Variants in RFX6 observed in about 807,000 individuals in gnomAD.
The protein encoded by RFX6 is DNA-binding protein RFX6.
In RFX6, 50 loss-of-function variants were observed where a neutral mutation model predicts 110.8. The ratio of observed to expected loss-of-function variants is 0.45; its 90% CI spans 0.36 to 0.57. The LOEUF (loss-of-function observed/expected upper bound fraction) is 0.57, where lower values mean the gene tolerates loss of function less well. Among genes scored for constraint, RFX6 ranks in the 20% least tolerant of loss-of-function variants. The pLI, the probability that RFX6 is intolerant of heterozygous loss-of-function variation, is 0.00. For synonymous variants in RFX6, 383 were observed against 411.2 expected, an observed-to-expected ratio of 0.93 and a Z score of 0.83; for missense variants, 990 against 1,127.0, an observed-to-expected ratio of 0.88 and a Z score of 1.74.
At chr6:116,917,101 T>A (rs1775484055) in intron 9 of RFX6, among the ~76,000 whole-genome samples, 1 of 152,138 alleles carries the variant, frequency 6.6e-6, no homozygotes, top group Admixed American at 6.6e-5. Flanking sequence ...CACTATCAGA[T>A]TCTCAGCTTT....
chr6:116,926,486 T>C (rs1373712889), intron 16 of RFX6, among the ~76,000 whole-genome samples: 1 of 152,212 alleles, frequency 6.6e-6, no homozygotes, highest in Admixed American at 6.5e-5. Context: ...TTACTTCATT[T>C]GATATACAGA....
At position 116,906,885 on chromosome 6, in the gene RFX6, C is replaced by G. The variant is rs1373972458; in HGVS notation, c.673-4050C>G. Among the ~76,000 whole-genome samples, 6 of 147,620 alleles carry G rather than the reference C, an allele frequency of 4.1e-5. No individual in the cohort carries two copies. The East Asian group carries it at 1.2e-3, about 29-fold the overall frequency. ...GTTTTTTTTTTTTTGCCTAACTACT[C>G]TAGCTAAGACTTCTAGTACCATGTT... On this transcript the variant is annotated intron_variant, in intron 6 of 18. Transcript: ENST00000332958.
rs1775564316 is a variant in RFX6, at chr6:116,920,283, A to G, written c.1183-27A>G. ...AGATACATTAGAAATGATATAGTGTAGTGTCTTCTTTACTTTCTCTATGCA... is the reference window on the plus strand; with the variant it reads ...AGATACATTAGAAATGATATAGTGTGGTGTCTTCTTTACTTTCTCTATGCA... On this transcript the variant is annotated intron_variant, in intron 11 of 18. Coordinates refer to ENST00000332958, the MANE Select transcript of RFX6 (RefSeq NM_173560.4). The G allele has an allele frequency of 1.9e-6, 3 of 1,577,602 alleles. No homozygotes were observed. In the African/African-American group the frequency reaches 4.0e-5, roughly 21 times the overall value.
intron 4 of RFX6, chr6:116,884,909 G>A (rs1053309510): frequency 1.1e-4 from 16 of 152,096 alleles, no homozygotes; most frequent in Admixed American, 5.2e-4. Flanking sequence ...TATTTGTGAC[G>A]TGACTTTTTT....
At chr6:116,880,220 T>G (rs534565030) in intron 2 of RFX6, among the ~76,000 whole-genome samples, 1 of 152,128 alleles carries the variant, frequency 6.6e-6, no homozygotes, top group East Asian at 1.9e-4. Flanking sequence ...ATTTCACCAT[T>G]CATATTTATA....
chr6:116,895,014 T>C (rs1774912628), intron 5 of RFX6, among the ~76,000 whole-genome samples, 166 bp from the exon 6 acceptor site: 1 of 152,138 alleles, frequency 6.6e-6, no homozygotes, highest in Non-Finnish European at 1.5e-5. Context: ...TATTTTGTTT[T>C]AGTAAGTTGA....
chr6:116,882,484 G>T lies in RFX6; in HGVS notation c.566+56G>T, dbSNP rs566477122. On this transcript the variant is annotated intron_variant, in intron 4 of 18. Transcript: ENST00000332958. ...GCTCTTGTGCATGAAGATTGACACA[G>T]ATGTAAAATAAGTATTGTCTTTGTC... The T allele has an allele frequency of 1.9e-5, 23 of 1,235,378 alleles. No individual in the cohort carries two copies. The African/African-American group carries it at 3.1e-4, about 17-fold the overall frequency. The allele number at this position is 1,235,378 out of a possible 1,614,324, so 76.5% of individuals were successfully genotyped here.
chr6:116,895,478 A>C (rs527937343), intron 6 of RFX6, among the ~76,000 whole-genome samples: 1 of 152,292 alleles, frequency 6.6e-6, no homozygotes, highest in Admixed American at 6.5e-5. Context: ...TGTAAAAAAA[A>C]CACTATCATT....
chr6:116,880,397 A>G, intron 2 of RFX6, 147 bp from the exon 3 acceptor site: 3 of 714,168 alleles, frequency 4.2e-6, no homozygotes. Flanking sequence ...TTGATTTTTA[A>G]AAAATATCCA....
In RFX6 at chr6:116,924,872, G is replaced by A; in HGVS notation, c.1678+81G>A. The A allele has an allele frequency of 2.9e-6, 3 of 1,027,778 alleles. 1 individual carries two copies. The highest frequency in any genetic ancestry group is 3.7e-5 in the Admixed American group (2 of 53,954). 63.7% of individuals were successfully genotyped at this position (1,027,778 alleles called of 1,614,324 possible). On this transcript the variant is annotated intron_variant, in intron 15 of 18. Transcript: ENST00000332958. ...AAGAATTTATAAGTTCAGATATTAAGTGGGTTTATCATAATCTCAGAGTTT... is the reference window on the plus strand; with the variant it reads ...AAGAATTTATAAGTTCAGATATTAAATGGGTTTATCATAATCTCAGAGTTT...
intron 15 of RFX6, among the ~76,000 whole-genome samples, chr6:116,925,035 T>C (rs562333737): frequency 6.6e-6 from 1 of 152,330 alleles, no homozygotes; most frequent in East Asian, 1.9e-4. Flanking sequence ...TCTTAATTTC[T>C]GGGAATTAAG....
chr6:116,919,980 C>A (rs1408688795), intron 11 of RFX6, among the ~76,000 whole-genome samples: 1 of 152,042 alleles, frequency 6.6e-6, no homozygotes. Flanking sequence ...CAAAGAGAAT[C>A]CATTTATATT....
At chr6:116,895,074 T>G (rs979074321) in intron 5 of RFX6, 106 bp from the exon 6 acceptor site, 37 of 631,734 alleles carry the variant, frequency 5.9e-5, no homozygotes, top group Non-Finnish European at 9.3e-5. Context: ...AGCTTATTTC[T>G]CTAATCATGG....
intron 1 of RFX6, 76 bp downstream of exon 1, chr6:116,877,574 G>T: frequency 8.5e-7 from 1 of 1,172,510 alleles, no homozygotes; most frequent in South Asian, 1.5e-5. Flanking sequence ...TAATAATAAT[G>T]CATCCCGAAC....
Position 116,877,392 on chromosome 6 carries a change from C to T in RFX6, c.117C>T (p.Val39=). Residue 39 remains valine (V), a synonymous_variant, in exon 1 of 19, where the codon GTC becomes GTT. Coordinates refer to ENST00000332958, the MANE Select transcript of RFX6 (RefSeq NM_173560.4). ...AGCTCCTGGGCAAGGGCTTGCTAGT[C>T]TATCCGGAAGAAACAGTGTACCTGG... ...CVQLLGKGLL[V]YPEETVYLAA... is the part of the protein sequence containing the mutation. 1.2e-6 allele frequency: 2 copies of T among 1,608,906 alleles called. No individual in the cohort carries two copies. Among genetic ancestry groups the T allele is most frequent in the Admixed American group, 1.7e-5 (1 of 59,432 alleles).
intron 9 of RFX6, 152 bp from the exon 10 acceptor site, chr6:116,917,885 C>T: frequency 8.0e-6 from 5 of 627,110 alleles, no homozygotes; most frequent in South Asian, 1.9e-5. Flanking sequence ...CTCATACATA[C>T]ATTCATTTTG....
chr6:116,916,472 T>A (rs529633537), intron 9 of RFX6, among the ~76,000 whole-genome samples, 158 bp downstream of exon 9: 1 of 152,202 alleles, frequency 6.6e-6, no homozygotes, highest in South Asian at 2.1e-4. Context: ...ATAGTGCACG[T>A]TTAATAGTGT....
chr6:116,914,354 G>A (rs760298979), intron 7 of RFX6, among the ~76,000 whole-genome samples: 1 of 152,046 alleles, frequency 6.6e-6, no homozygotes, highest in African/African-American at 2.4e-5. Context: ...GATTCCATAT[G>A]TTGGCTATTG....
rs1466221254 is a variant in RFX6, at chr6:116,927,430, C to A, written c.2289C>A (p.Ala763=). ...CTAGCTATGGCCCATCCCTGCAAGC[C>A]CAGGATTCACACAATATGCAGTTTT... The part of the protein sequence containing the change: ...PPSSYGPSLQ[A]QDSHNMQFLN... Residue 763 remains alanine (A), a synonymous_variant, in exon 17 of 19, where the codon GCC becomes GCA. Coordinates refer to ENST00000332958, the MANE Select transcript of RFX6 (RefSeq NM_173560.4). The A allele has an allele frequency of 6.2e-7, 1 of 1,614,128 alleles. No homozygotes were observed. Among genetic ancestry groups the A allele is most frequent in the Non-Finnish European group, 8.5e-7 (1 of 1,180,008 alleles).
Sources: allele counts gnomAD v4.1 joint callset (sites outside exome capture counted in the v4.1 genomes callset), GRCh38; gene constraint gnomAD v4.1.1; transcripts MANE v1.5; gene names NCBI Gene and HGNC (gene_info 2026-07-23, HGNC 2026-07-21).